KLRG1: variants seen among roughly 807,000 people sequenced by gnomAD.
KLRG1 encodes killer cell lectin-like receptor subfamily G member 1.
In KLRG1, 16 loss-of-function variants were observed where a neutral mutation model predicts 21.8. That is an observed-to-expected ratio of 0.73 (90% CI 0.50 to 1.11). The LOEUF is 1.11. Among genes scored for constraint, KLRG1 ranks in the 50% most tolerant of loss-of-function variants. KLRG1 has a pLI of 0.00. For synonymous variants in KLRG1, 69 were observed against 75.9 expected (o/e 0.91, Z 0.47); for missense variants, 173 against 218.3 (o/e 0.79, Z 1.31).
At chr12:8,965,587 A>G (rs910676293) in intron 1 of KLRG1, among the ~76,000 whole-genome samples, 9 of 152,160 alleles carry the variant, frequency 5.9e-5, no homozygotes, top group African/African-American at 2.2e-4. Flanking sequence ...CCCATTCACA[A>G]TTGCTTCAAA....
the KLRG1 span, chr12:9,208,122 A>G: frequency 1.4e-3 from 863 of 631,930 alleles, 3 homozygotes; most frequent in Middle Eastern, 0.011. Context: ...CAAACAAGGG[A>G]TTAACTGGAA....
chr12:9,213,930 A>G, the KLRG1 span, among the ~76,000 whole-genome samples: 1 of 152,018 alleles, frequency 6.6e-6, no homozygotes, highest in Admixed American at 6.5e-5. Flanking sequence ...ATTTATACCT[A>G]TGTCTCCTCC....
At chr12:9,058,579 C>G in the KLRG1 span, 1 of 151,952 alleles carries the variant, frequency 6.6e-6, no homozygotes, top group African/African-American at 2.4e-5. Context: ...ATAAACAAAT[C>G]CATACCTACT....
the KLRG1 span, among the ~76,000 whole-genome samples, chr12:9,033,238 A>T: frequency 7.2e-5 from 11 of 152,238 alleles, no homozygotes; most frequent in East Asian, 2.1e-3. Context: ...GGAGTTCAAG[A>T]CTGGCCTGGG....
At chr12:9,049,577 T>C in the KLRG1 span, among the ~76,000 whole-genome samples, 1 of 152,244 alleles carries the variant, frequency 6.6e-6, no homozygotes, top group African/African-American at 2.4e-5. Flanking sequence ...TTTGTGCTAG[T>C]ACCTTATTTT....
chr12:9,212,873 T>C, the KLRG1 span, among the ~76,000 whole-genome samples: 1 of 152,192 alleles, frequency 6.6e-6, no homozygotes, highest in African/African-American at 2.4e-5. Context: ...CATGGTGTTA[T>C]GTAATTATTA....
At chr12:9,150,082 T>C in the KLRG1 span, among the ~76,000 whole-genome samples, 1 of 152,212 alleles carries the variant, frequency 6.6e-6, no homozygotes, top group South Asian at 2.1e-4. Flanking sequence ...CCTCTCAAAC[T>C]TATTGCTTAG....
chr12:9,149,719 A>G, the KLRG1 span: 1 of 824,592 alleles, frequency 1.2e-6, no homozygotes, highest in African/African-American at 1.7e-5. Context: ...AATTGTCAAA[A>G]CTTCATGTAA....
chr12:9,159,505 T>C, the KLRG1 span, among the ~76,000 whole-genome samples: 38 of 152,144 alleles, frequency 2.5e-4, no homozygotes, highest in South Asian at 7.3e-3. Context: ...TAAGAGGTGA[T>C]TGGCTCATGA....
chr12:8,995,408 G>A (rs1278119483), intron 3 of KLRG1, 120 bp downstream of exon 3: 2 of 853,310 alleles, frequency 2.3e-6, no homozygotes, highest in East Asian at 2.8e-5. Flanking sequence ...TGTGATTTGG[G>A]GGGGATACTA....
the KLRG1 span, among the ~76,000 whole-genome samples, chr12:9,039,058 G>A: frequency 2.0e-5 from 3 of 152,212 alleles, no homozygotes; most frequent in Non-Finnish European, 4.4e-5. Context: ...TTGTCCAAGG[G>A]TATGGAGGCT....
the KLRG1 span, chr12:9,094,908 C>A: frequency 1.4e-5 from 12 of 873,464 alleles, no homozygotes; most frequent in Non-Finnish European, 2.0e-5. Flanking sequence ...CACATTGTAT[C>A]TTTTAAAAAA....
chr12:9,001,198 G>A (rs1947296867), intron 3 of KLRG1, among the ~76,000 whole-genome samples: 1 of 152,200 alleles, frequency 6.6e-6, no homozygotes, highest in Non-Finnish European at 1.5e-5. Context: ...TAAAGCAATA[G>A]ATATAATTAT....
chr12:8,997,177 G>C (rs1297894283), intron 3 of KLRG1, among the ~76,000 whole-genome samples: 1 of 152,144 alleles, frequency 6.6e-6, no homozygotes, highest in Non-Finnish European at 1.5e-5. Flanking sequence ...TACATTCACT[G>C]CATTTCCAAA....
At chr12:8,958,155 C>A (rs1201547837) in intron 1 of KLRG1, among the ~76,000 whole-genome samples, 1 of 152,194 alleles carries the variant, frequency 6.6e-6, no homozygotes, top group Non-Finnish European at 1.5e-5. Context: ...AACATGGCCT[C>A]CCAAAGTGTT....
chr12:9,119,566 A>G, the KLRG1 span, among the ~76,000 whole-genome samples: 1 of 152,220 alleles, frequency 6.6e-6, no homozygotes, highest in Admixed American at 6.5e-5. Context: ...ACAACAGAGC[A>G]GTACCTGACG....
the KLRG1 span, among the ~76,000 whole-genome samples, chr12:9,040,633 GT>G: frequency 2.0e-5 from 3 of 151,992 alleles, no homozygotes; most frequent in Non-Finnish European, 2.9e-5. Flanking sequence ...CAGACTTTCT[GT>G]TTTTATATGT....
At chr12:9,029,796 G>T in the KLRG1 span, among the ~76,000 whole-genome samples, 1 of 152,002 alleles carries the variant, frequency 6.6e-6, no homozygotes, top group East Asian at 1.9e-4. Context: ...TCACTCTGTT[G>T]CCCAGGCTGG....
the KLRG1 span, among the ~76,000 whole-genome samples, chr12:9,049,060 G>A: frequency 6.6e-6 from 1 of 152,212 alleles, no homozygotes; most frequent in Admixed American, 6.5e-5. Flanking sequence ...TGCTGAGAGG[G>A]ACTTTCCCCA....
Sources: allele counts gnomAD v4.1 joint callset (sites outside exome capture counted in the v4.1 genomes callset), GRCh38; gene constraint gnomAD v4.1.1; transcripts MANE v1.5; gene names NCBI Gene and HGNC (gene_info 2026-07-23, HGNC 2026-07-21).